CARMIL1: variants seen among roughly 807,000 people sequenced by gnomAD.
CARMIL1 encodes capping protein regulator and myosin 1 linker 1.
CARMIL1 carries 90 observed loss-of-function variants against 177.1 expected under a neutral mutation model. The observed-to-expected ratio is 0.51, with a 90% CI of 0.43 to 0.61. The LOEUF (loss-of-function observed/expected upper bound fraction) is 0.61, where lower values mean the gene tolerates loss of function less well. Ranked by LOEUF, CARMIL1 falls within the 20% of genes least tolerant of loss-of-function variation. The pLI, the probability that CARMIL1 is intolerant of heterozygous loss-of-function variation, is 0.00. For missense variants in CARMIL1, 1,380 were observed against 1,667.0 expected (o/e 0.83, Z 3.00); for synonymous variants, 577 against 606.2 (o/e 0.95, Z 0.71).
At chr6:25,302,992 C>T (rs1241077860) in intron 2 of CARMIL1, among the ~76,000 whole-genome samples, 2 of 152,138 alleles carry the variant, frequency 1.3e-5, no homozygotes, top group African/African-American at 2.4e-5. Context: ...AATGAGCTGC[C>T]TCTCTTGTTT....
intron 29 of CARMIL1, among the ~76,000 whole-genome samples, chr6:25,569,059 A>G (rs1811828059): frequency 6.6e-6 from 1 of 152,280 alleles, no homozygotes; most frequent in South Asian, 2.1e-4. Context: ...ATGAGATCAA[A>G]GCCACAAAAG....
intron 2 of CARMIL1, among the ~76,000 whole-genome samples, chr6:25,332,742 T>TGCATAC (rs1554165865): frequency 7.1e-6 from 1 of 140,086 alleles, no homozygotes; most frequent in East Asian, 2.1e-4. Context: ...CAAACATGCA[T>TGCATAC]ACACACACAC....
chr6:25,509,772 T>C lies in CARMIL1; in HGVS notation c.1477+35T>C. On this transcript the variant is annotated intron_variant, in intron 18 of 36. Coordinates refer to ENST00000329474, the MANE Select transcript of CARMIL1 (RefSeq NM_017640.6). The surrounding 1 kb of genome is among the most constrained non-coding windows in gnomAD (Gnocchi z 4.1). ...ATATTGAAAAGAAATGAAACTGAAA[T>C]ATTTTTTGAAGCAAGTTAATAAGGG... is the stretch of plus-strand genomic sequence containing the variant. 1.4e-6 allele frequency: 2 copies of C among 1,409,376 alleles called. No homozygotes were observed. Among genetic ancestry groups the C allele is most frequent in the Non-Finnish European group, 2.0e-6 (2 of 1,018,728 alleles). 87.3% of individuals were successfully genotyped at this position (1,409,376 alleles called of 1,614,324 possible).
chr6:25,452,287 T>C (rs1445692097), intron 8 of CARMIL1: 1 of 752,626 alleles, frequency 1.3e-6, no homozygotes. Context: ...AACTTTATAC[T>C]TTCAAATTTA....
chr6:25,610,291 G>T, intron 36 of CARMIL1, 110 bp downstream of exon 36: 1 of 1,262,790 alleles, frequency 7.9e-7, no homozygotes, highest in East Asian at 2.8e-5. Context: ...GTTTGTTAAA[G>T]TCAACATTGC....
chr6:25,365,634 C>A (rs1247224212), intron 2 of CARMIL1, among the ~76,000 whole-genome samples: 4 of 152,026 alleles, frequency 2.6e-5, no homozygotes, highest in Non-Finnish European at 1.5e-5. Flanking sequence ...CCCACTGCAA[C>A]CTTCACTTCC....
intron 13 of CARMIL1, among the ~76,000 whole-genome samples, chr6:25,488,977 C>T (rs1286285447): frequency 6.6e-6 from 1 of 151,988 alleles, no homozygotes; most frequent in African/African-American, 2.4e-5. Context: ...CCAGCCTGGC[C>T]AACATGGTGA....
chr6:25,562,352 A>G (rs1180375356), intron 29 of CARMIL1, among the ~76,000 whole-genome samples: 2 of 151,848 alleles, frequency 1.3e-5, no homozygotes, highest in African/African-American at 4.8e-5. Flanking sequence ...GGTTCAAGCA[A>G]TTGTCCTGCC....
chr6:25,583,046 C>T (rs566996870), intron 31 of CARMIL1, among the ~76,000 whole-genome samples: 1 of 152,294 alleles, frequency 6.6e-6, no homozygotes, highest in Non-Finnish European at 1.5e-5. Context: ...TGCCTTTCTC[C>T]CTTGAGGCAG....
intron 24 of CARMIL1, among the ~76,000 whole-genome samples, chr6:25,535,635 A>G (rs915665509): frequency 6.6e-6 from 1 of 152,224 alleles, no homozygotes; most frequent in African/African-American, 2.4e-5. Context: ...ACCATCTTCT[A>G]TGAGGTCTTC....
At chr6:25,492,632 T>C (rs1803354960) in intron 15 of CARMIL1, among the ~76,000 whole-genome samples, 1 of 152,160 alleles carries the variant, frequency 6.6e-6, no homozygotes, top group Non-Finnish European at 1.5e-5. Context: ...ATTAATACAG[T>C]TCAACACTTA....
chr6:25,590,834 T>C (rs1814223775), intron 31 of CARMIL1, among the ~76,000 whole-genome samples: 1 of 152,166 alleles, frequency 6.6e-6, no homozygotes, highest in Admixed American at 6.5e-5. Flanking sequence ...CTATGTCCCC[T>C]TTTCCATTTT....
At chr6:25,414,092 A>G (rs1026632467) in intron 2 of CARMIL1, among the ~76,000 whole-genome samples, 2 of 152,152 alleles carry the variant, frequency 1.3e-5, no homozygotes, top group Admixed American at 6.5e-5. Context: ...TTTGTATCTT[A>G]TTTAATCCAC....
intron 2 of CARMIL1, among the ~76,000 whole-genome samples, chr6:25,404,249 GA>G (rs1794151639): frequency 6.6e-6 from 1 of 152,220 alleles, no homozygotes; most frequent in Non-Finnish European, 1.5e-5. Context: ...CAGCTTCTGA[GA>G]GAGGGAAGTT....
intron 23 of CARMIL1, among the ~76,000 whole-genome samples, chr6:25,521,756 C>T (rs967543499): frequency 6.7e-5 from 9 of 135,118 alleles, no homozygotes; most frequent in East Asian, 2.0e-4. Context: ...GCCGACAGAG[C>T]GAGATTCCAT....
chr6:25,423,099 G>A (rs981337990), intron 3 of CARMIL1, among the ~76,000 whole-genome samples: 2 of 152,166 alleles, frequency 1.3e-5, no homozygotes, highest in African/African-American at 2.4e-5. Flanking sequence ...GAGAAGTAAA[G>A]CCAGTGTGAA....
At chr6:25,371,498 C>A (rs1054890977) in intron 2 of CARMIL1, among the ~76,000 whole-genome samples, 1 of 152,164 alleles carries the variant, frequency 6.6e-6, no homozygotes, top group Non-Finnish European at 1.5e-5. Context: ...ATTTGCATTT[C>A]CCTGATGATC....
intron 2 of CARMIL1, among the ~76,000 whole-genome samples, chr6:25,378,324 C>A (rs1238783877): frequency 6.6e-6 from 1 of 152,198 alleles, no homozygotes; most frequent in Non-Finnish European, 1.5e-5. Flanking sequence ...CTTTGCATGG[C>A]CTTCAGGCCA....
intron 5 of CARMIL1, among the ~76,000 whole-genome samples, chr6:25,446,937 A>G (rs974526148): frequency 6.6e-6 from 1 of 152,206 alleles, no homozygotes; most frequent in African/African-American, 2.4e-5. Flanking sequence ...GATCACACAC[A>G]CTTTTAAGTA....
Sources: allele counts gnomAD v4.1 joint callset (sites outside exome capture counted in the v4.1 genomes callset), GRCh38; gene constraint gnomAD v4.1.1; non-coding constraint Gnocchi (gnomAD v3.1); transcripts MANE v1.5; gene names NCBI Gene and HGNC (gene_info 2026-07-23, HGNC 2026-07-21).